Variants in TTC39C observed in about 807,000 individuals in gnomAD.
The protein encoded by TTC39C is tetratricopeptide repeat domain 39C.
TTC39C carries 33 observed loss-of-function variants against 76.3 expected under a neutral mutation model. The ratio of observed to expected loss-of-function variants is 0.43; its 90% confidence interval spans 0.33 to 0.58. TTC39C has a LOEUF of 0.58. Ranked by LOEUF, TTC39C falls within the 20% of genes least tolerant of loss-of-function variation. The pLI is 0.04. For missense variants in TTC39C, 595 were observed against 701.4 expected (o/e 0.85, Z 1.71); for synonymous variants, 254 against 260.6 (o/e 0.97, Z 0.24).
chr18:24,008,148 C>A (rs1469483), intron 1 of TTC39C, among the ~76,000 whole-genome samples: 1 of 152,100 alleles, frequency 6.6e-6, no homozygotes, highest in African/African-American at 2.4e-5. Flanking sequence ...CCCTCTGAGT[C>A]CAACTCATCC....
intron 1 of TTC39C, among the ~76,000 whole-genome samples, chr18:23,996,357 C>A (rs183927781): frequency 6.6e-6 from 1 of 152,200 alleles, no homozygotes; most frequent in Non-Finnish European, 1.5e-5. Context: ...GTCATTATAA[C>A]TTCTTTATAT....
At chr18:24,002,240 A>G (rs1420448052) in intron 1 of TTC39C, among the ~76,000 whole-genome samples, 1 of 152,150 alleles carries the variant, frequency 6.6e-6, no homozygotes, top group Non-Finnish European at 1.5e-5. Context: ...CAGCACCATC[A>G]GAATCATCCT....
chr18:24,075,702 AAC>A (rs1491161110), intron 4 of TTC39C, among the ~76,000 whole-genome samples: 10 of 147,728 alleles, frequency 6.8e-5, no homozygotes, highest in Non-Finnish European at 8.9e-5. Context: ...AAAAAAAAAA[AAC>A]AAAAAAAAAA....
intron 1 of TTC39C, among the ~76,000 whole-genome samples, chr18:23,998,810 G>GGTTCTAAGTAGAGACA (rs149626712): frequency 2.6e-5 from 4 of 151,824 alleles, no homozygotes; most frequent in Admixed American, 6.6e-5. Context: ...GCATGAAGCT[G>GGTTCTAAGTAGAGACA]GTGGAGCTCT....
In TTC39C at chr18:24,109,349, ATTAAAC is replaced by A. The variant is rs143969573; in HGVS notation, c.985-5198_985-5193del. ...GTTTCAAATAATAATAATAACAATA[ATTAAAC>A]TTAAACATTAAAAAAAAATTCAACA... On this transcript the variant is annotated intron_variant, in intron 6 of 13. Transcript: ENST00000317571. Among the ~76,000 whole-genome samples the A allele has an allele frequency of 3.5e-3, 531 of 152,160 alleles. 2 individuals carry two copies. Among genetic ancestry groups the A allele is most frequent in the African/African-American group, 0.012 (484 of 41,500 alleles).
intron 1 of TTC39C, among the ~76,000 whole-genome samples, chr18:24,058,239 A>G (rs954067005): frequency 2.0e-5 from 3 of 152,242 alleles, no homozygotes; most frequent in African/African-American, 2.4e-5. Flanking sequence ...TGATGAAATC[A>G]TTTGTACACC....
upstream of TTC39C, among the ~76,000 whole-genome samples, chr18:24,011,729 A>T (rs2083394751): frequency 6.6e-6 from 1 of 152,254 alleles, no homozygotes; most frequent in African/African-American, 2.4e-5. Flanking sequence ...ACCACAAAAT[A>T]CTGGCAACAC....
chr18:24,014,185 G>A (rs1387718091), upstream of TTC39C, among the ~76,000 whole-genome samples: 25 of 152,240 alleles, frequency 1.6e-4, no homozygotes, highest in Admixed American at 1.6e-3. Flanking sequence ...GCGGCCCCAG[G>A]GTCGGGATGA....
intron 6 of TTC39C, among the ~76,000 whole-genome samples, chr18:24,100,508 C>G (rs1303763938): frequency 6.6e-6 from 1 of 152,220 alleles, no homozygotes; most frequent in Non-Finnish European, 1.5e-5. Context: ...GAGGCGTGTG[C>G]AGCACAAGGC....
At position 24,118,226 on chromosome 18, in the gene TTC39C, A is replaced by G; in HGVS notation, c.1180A>G (p.Thr394Ala). ...GTCCCAGTGCTATTATGCCTACTTG[A>G]CTGCAGGTGAGTCGCCCATGGTCCC... ...RWSQCYYAYL[T>A]AVCQGATGDV... Residue 394 changes from threonine to alanine, a missense_variant, in exon 8 of 14, where the codon ACT (threonine) becomes GCT (alanine). Coordinates refer to ENST00000317571, the MANE Select transcript of TTC39C (RefSeq NM_001135993.2). 1.2e-6 allele frequency: 2 copies of G among 1,612,744 alleles called. No homozygotes were observed. The highest frequency in any genetic ancestry group is 3.3e-5 in the Admixed American group (2 of 59,800).
At chr18:24,047,196 C>T (rs1185869716) in intron 1 of TTC39C, among the ~76,000 whole-genome samples, 4 of 151,748 alleles carry the variant, frequency 2.6e-5, no homozygotes, top group African/African-American at 4.9e-5. Context: ...TGGGGTCAAG[C>T]GATTCTCCTG....
rs888935399 is a variant in TTC39C at position 24,133,276 on chromosome 18, G to A, written c.*702G>A. 1 of 152,190 alleles carries A rather than the reference G, an allele frequency of 6.6e-6. No homozygotes were observed. Among genetic ancestry groups the A allele is most frequent in the Admixed American group, 6.5e-5 (1 of 15,284 alleles). The allele number at this position is 152,190 out of a possible 1,614,324, so 9.4% of individuals were successfully genotyped here. On this transcript the variant is annotated 3_prime_UTR_variant, in exon 14 of 14. Coordinates refer to ENST00000317571, the MANE Select transcript of TTC39C (RefSeq NM_001135993.2). Reference sequence around the variant, plus strand: ...TAAAAGAACAAAATCTTCAGCTGAAGTTATGTCACCAGAAATAGTCATCTC... The same window carrying A: ...TAAAAGAACAAAATCTTCAGCTGAAATTATGTCACCAGAAATAGTCATCTC...
chr18:24,046,572 T>G (rs2083888132), intron 1 of TTC39C, among the ~76,000 whole-genome samples: 1 of 151,896 alleles, frequency 6.6e-6, no homozygotes, highest in Non-Finnish European at 1.5e-5. Flanking sequence ...TATGACTTTT[T>G]GTTACAAAAT....
At chr18:24,119,666 ATTT>A (rs1027404046) in intron 8 of TTC39C, among the ~76,000 whole-genome samples, 3 of 152,120 alleles carry the variant, frequency 2.0e-5, no homozygotes, top group African/African-American at 7.2e-5. Context: ...GAATAAGCTT[ATTT>A]TTCATATACT....
At chr18:24,056,166 G>A (rs1279202723) in intron 1 of TTC39C, among the ~76,000 whole-genome samples, 1 of 152,166 alleles carries the variant, frequency 6.6e-6, no homozygotes, top group Non-Finnish European at 1.5e-5. Context: ...TCCCAGAAAA[G>A]CAGAGCTTCC....
intron 1 of TTC39C, among the ~76,000 whole-genome samples, chr18:24,003,514 G>A (rs535811511): frequency 6.6e-6 from 1 of 152,244 alleles, no homozygotes; most frequent in Admixed American, 6.5e-5. Flanking sequence ...GAACTGAACT[G>A]GTCCTTGTCG....
chr18:24,023,989 TATATATATATATATATATATATATA>T (rs2083559962), intron 1 of TTC39C, among the ~76,000 whole-genome samples: 3 of 5,004 alleles, frequency 6.0e-4, no homozygotes, highest in African/African-American at 1.6e-3. Context: ...TACATATATA[TATATATATATATATATATATATATA>T]TATTTTTTTT....
intron 7 of TTC39C, among the ~76,000 whole-genome samples, chr18:24,116,662 C>T (rs1287351771): frequency 6.6e-6 from 1 of 152,120 alleles, no homozygotes; most frequent in African/African-American, 2.4e-5. Flanking sequence ...GTTTAAATGG[C>T]AAGTCTCAGT....
chr18:24,126,717 A>G (rs1255752320), intron 10 of TTC39C, among the ~76,000 whole-genome samples: 1 of 151,722 alleles, frequency 6.6e-6, no homozygotes, highest in African/African-American at 2.4e-5. Context: ...ATGTGTTCAT[A>G]ACTCACTGCA....
Sources: gnomAD v4.1 joint callset for allele counts (sites outside exome capture counted in the v4.1 genomes callset) on GRCh38, gnomAD v4.1.1 for gene constraint, MANE v1.5 for transcripts, NCBI Gene and HGNC (gene_info 2026-07-23, HGNC 2026-07-21) for gene names.